NCAM2: variants seen among roughly 807,000 people sequenced by gnomAD.
NCAM2 encodes the protein neural cell adhesion molecule 2.
In NCAM2, 30 loss-of-function variants were observed where a neutral mutation model predicts 98.1. That is an observed-to-expected ratio of 0.31 (90% CI 0.23 to 0.41). NCAM2 has a LOEUF of 0.41. NCAM2 is among the 10% of genes least tolerant of loss of function. The pLI is 1.00. For synonymous variants in NCAM2, 368 were observed against 342.4 expected, an observed-to-expected ratio of 1.07 and a Z score of -0.83; for missense variants, 867 against 1,005.8, an observed-to-expected ratio of 0.86 and a Z score of 1.87.
At chr21:21,228,605 T>C (rs1011643875) in intron 1 of NCAM2, among the ~76,000 whole-genome samples, 1 of 151,454 alleles carries the variant, frequency 6.6e-6, no homozygotes, top group African/African-American at 2.4e-5. Flanking sequence ...ATTTCAAAAT[T>C]ATATGTTAAA....
intron 1 of NCAM2, among the ~76,000 whole-genome samples, chr21:21,058,057 A>G (rs2065248787): frequency 6.6e-6 from 1 of 151,288 alleles, no homozygotes; most frequent in African/African-American, 2.4e-5. Flanking sequence ...CATCTGCTCC[A>G]GAGATCACTA....
chr21:21,175,337 A>G (rs2068248128), intron 1 of NCAM2, among the ~76,000 whole-genome samples: 1 of 152,122 alleles, frequency 6.6e-6, no homozygotes, highest in South Asian at 2.1e-4. Context: ...GATCGAGACC[A>G]TCCTGGCCAA....
At chr21:21,399,275 G>A (rs2076579135) in intron 9 of NCAM2, among the ~76,000 whole-genome samples, 1 of 152,202 alleles carries the variant, frequency 6.6e-6, no homozygotes, top group Non-Finnish European at 1.5e-5. Flanking sequence ...TGTAAGAATG[G>A]ATAAAGGCTC....
At chr21:21,097,253 T>C (rs922575994) in intron 1 of NCAM2, among the ~76,000 whole-genome samples, 1 of 151,736 alleles carries the variant, frequency 6.6e-6, no homozygotes, top group African/African-American at 2.4e-5. Context: ...TAAGCATCTG[T>C]TATTTACATA....
chr21:21,473,552 C>T (rs1329801654), intron 14 of NCAM2, among the ~76,000 whole-genome samples: 1 of 151,392 alleles, frequency 6.6e-6, no homozygotes, highest in East Asian at 1.9e-4. Flanking sequence ...TATATACATA[C>T]AAAATCTTAA....
rs1046701658 is a variant in NCAM2, at chr21:21,062,786, C to T, written c.55+64168C>T. Among the ~76,000 whole-genome samples the T allele has an allele frequency of 5.9e-5, 9 of 152,166 alleles. No homozygotes were observed. The East Asian group carries it at 9.6e-4, about 16-fold the overall frequency. ...ATATCTGTGATTGAAAATAATCATA[C>T]AATGTAAACATTTTCAGAAAAAAAT... On this transcript the variant is annotated intron_variant, in intron 1 of 17. Transcript: ENST00000400546.
At chr21:21,472,481 A>G (rs1245921394) in intron 14 of NCAM2, among the ~76,000 whole-genome samples, 1 of 152,100 alleles carries the variant, frequency 6.6e-6, no homozygotes, top group African/African-American at 2.4e-5. Context: ...ATTTTTAAAC[A>G]ATGAATACTT....
At chr21:21,241,273 A>G in intron 1 of NCAM2, among the ~76,000 whole-genome samples, 1 of 152,090 alleles carries the variant, frequency 6.6e-6, no homozygotes, top group East Asian at 1.9e-4. Flanking sequence ...CTACTCATTG[A>G]CCTTAAAAAA....
rs574829023 is a variant in NCAM2 at position 21,398,623 on chromosome 21, A to G, written c.1196-11651A>G. 2.6e-5 allele frequency among the ~76,000 whole-genome samples: 4 copies of G among 152,302 alleles called. No individual in the cohort carries two copies. The South Asian group carries it at 8.3e-4, about 32-fold the overall frequency. The stretch of plus-strand genomic sequence containing the variant: ...AAGTTTGGATTTAAGGAGTGTGAAT[A>G]GGATCTTTAAAAGGTTTTAAGCAGG... On this transcript the variant is annotated intron_variant, in intron 9 of 17. Transcript: ENST00000400546.
In NCAM2 at chr21:21,327,306, C is replaced by CAAAAAAAAA. The variant is rs11384559; in HGVS notation, c.737+2822_737+2830dup. ...CAGGCAACAGAGCAAGACTCTGTCT[C>CAAAAAAAAA]AAAAAAAAAAAAAAAAAAAAAAAAT... is the stretch of plus-strand genomic sequence containing the variant. On this transcript the variant is annotated intron_variant, in intron 6 of 17. Transcript: ENST00000400546. Among the ~76,000 whole-genome samples, 39 of 82,182 alleles carry CAAAAAAAAA rather than the reference C, an allele frequency of 4.7e-4. 2 individuals are homozygous for CAAAAAAAAA. Among genetic ancestry groups the CAAAAAAAAA allele is most frequent in the East Asian group, 1.9e-3 (5 of 2,606 alleles). The allele number at this position is 82,182 out of a possible 152,430, so 53.9% of individuals were successfully genotyped here. A position where few individuals can be genotyped will look rare whatever the true frequency, so the allele number is the denominator to read the frequency against.
intron 16 of NCAM2, among the ~76,000 whole-genome samples, chr21:21,523,005 CTTGT>C (rs1989117325): frequency 1.3e-5 from 2 of 151,948 alleles, no homozygotes; most frequent in African/African-American, 4.8e-5. Context: ...TTAAATTGGA[CTTGT>C]TTATGTTTTG....
intron 1 of NCAM2, among the ~76,000 whole-genome samples, chr21:21,249,596 G>C (rs2071403391): frequency 6.6e-6 from 1 of 152,190 alleles, no homozygotes; most frequent in Non-Finnish European, 1.5e-5. Flanking sequence ...TTTGTGCTAA[G>C]ATAATGACCT....
chr21:21,145,061 G>A (rs530094222), intron 1 of NCAM2, among the ~76,000 whole-genome samples: 27 of 152,030 alleles, frequency 1.8e-4, no homozygotes, highest in African/African-American at 6.0e-4. Flanking sequence ...CCCTAATAGA[G>A]ATTCAAGTTG....
intron 14 of NCAM2, among the ~76,000 whole-genome samples, chr21:21,471,215 G>C (rs373400752): frequency 9.9e-5 from 15 of 151,998 alleles, no homozygotes; most frequent in African/African-American, 3.4e-4. Context: ...CATATCACTT[G>C]ATAGTATGCC....
chr21:21,260,135 A>C (rs1407429994), intron 1 of NCAM2, among the ~76,000 whole-genome samples: 1 of 151,824 alleles, frequency 6.6e-6, no homozygotes, highest in Non-Finnish European at 1.5e-5. Flanking sequence ...AAATTAACCC[A>C]GTCAGACAAA....
At chr21:21,218,223 C>A (rs2069987652) in intron 1 of NCAM2, among the ~76,000 whole-genome samples, 1 of 152,096 alleles carries the variant, frequency 6.6e-6, no homozygotes, top group East Asian at 1.9e-4. Flanking sequence ...ATTAGCTGAT[C>A]CAAGAGCTGT....
chr21:21,222,156 G>T (rs1047673640), intron 1 of NCAM2, among the ~76,000 whole-genome samples: 1 of 152,082 alleles, frequency 6.6e-6, no homozygotes, highest in Non-Finnish European at 1.5e-5. Flanking sequence ...CAAGAAAAAA[G>T]ATTCTTTCAA....
chr21:21,258,077 A>G (rs1441277498), intron 1 of NCAM2, among the ~76,000 whole-genome samples: 1 of 152,236 alleles, frequency 6.6e-6, no homozygotes. Context: ...GTTTAAAAGC[A>G]TAAGTTCAGG....
At chr21:21,230,916 A>G (rs2070597134) in intron 1 of NCAM2, among the ~76,000 whole-genome samples, 1 of 151,344 alleles carries the variant, frequency 6.6e-6, no homozygotes, top group Non-Finnish European at 1.5e-5. Flanking sequence ...GTTGTAGGTG[A>G]CTGGAATATT....
Sources: gnomAD v4.1 joint callset for allele counts (sites outside exome capture counted in the v4.1 genomes callset) on GRCh38, gnomAD v4.1.1 for gene constraint, MANE v1.5 for transcripts, NCBI Gene and HGNC (gene_info 2026-07-23, HGNC 2026-07-21) for gene names.